The following PRR5 variants were observed in gnomAD, a reference collection of about 807,000 sequenced individuals.
PRR5 encodes proline rich 5.
In PRR5, 25 loss-of-function variants were observed where a neutral mutation model predicts 30.6. The ratio of observed to expected loss-of-function variants is 0.82; its 90% CI spans 0.60 to 1.14. The LOEUF is 1.14. PRR5 is among the 50% of genes most tolerant of loss of function. The probability of loss-of-function intolerance (pLI) is 0.00; values close to 1 mark genes in which losing one functional copy is unlikely to be tolerated. For missense variants in PRR5, 600 were observed against 547.1 expected (o/e 1.10, Z -0.96); for synonymous variants, 286 against 247.1 (o/e 1.16, Z -1.48).
chr22:44,719,781 C>T (rs1181645643), intron 2 of PRR5, among the ~76,000 whole-genome samples: 1 of 152,210 alleles, frequency 6.6e-6, no homozygotes, highest in Non-Finnish European at 1.5e-5. Context: ...TGCAAGGCCT[C>T]TCCTGCTGGC....
At chr22:44,732,618 C>T (rs1043038463) in intron 6 of PRR5, among the ~76,000 whole-genome samples, 1 of 152,162 alleles carries the variant, frequency 6.6e-6, no homozygotes, top group African/African-American at 2.4e-5. Context: ...CAGGGCTGGG[C>T]CTTTACACCC....
intron 1 of PRR5, among the ~76,000 whole-genome samples, chr22:44,684,154 A>T (rs1320347645): frequency 6.6e-6 from 1 of 152,148 alleles, no homozygotes; most frequent in Non-Finnish European, 1.5e-5. Context: ...TGGCCACCCC[A>T]GCCCCCACCC....
chr22:44,673,675 A>G (rs1923550663), upstream of PRR5, among the ~76,000 whole-genome samples: 1 of 152,156 alleles, frequency 6.6e-6, no homozygotes, highest in Non-Finnish European at 1.5e-5. Flanking sequence ...CTAAGCCCCT[A>G]TGACTGATAG....
chr22:44,670,051 C>G (rs1016166133), intron 1 of PRR5, among the ~76,000 whole-genome samples: 2 of 152,224 alleles, frequency 1.3e-5, no homozygotes, highest in African/African-American at 4.8e-5. Flanking sequence ...CACCAGGAAT[C>G]TGCATTTTGT....
At chr22:44,683,910 A>C (rs771942430) in intron 1 of PRR5, among the ~76,000 whole-genome samples, 3 of 152,238 alleles carry the variant, frequency 2.0e-5, no homozygotes, top group Non-Finnish European at 2.9e-5. Context: ...GGATGGCTGA[A>C]GAGGGGCCAG....
intron 2 of PRR5, among the ~76,000 whole-genome samples, chr22:44,723,064 C>A (rs1602060711): frequency 1.3e-5 from 2 of 151,700 alleles, no homozygotes; most frequent in African/African-American, 2.4e-5. Flanking sequence ...CAGCCCGCTG[C>A]AACCTCCGCC....
At chr22:44,718,192 C>CTT (rs34868054) in intron 2 of PRR5, among the ~76,000 whole-genome samples, 11,204 of 94,064 alleles carry the variant, frequency 0.12, 1,398 homozygotes, top group East Asian at 0.27. Context: ...TTTCATCTCT[C>CTT]TTTTTTTTTT....
upstream of PRR5, among the ~76,000 whole-genome samples, chr22:44,698,429 G>C (rs1034330272): frequency 1.3e-5 from 2 of 151,592 alleles, no homozygotes; most frequent in African/African-American, 4.9e-5. Context: ...CACTCTGGTG[G>C]CTTTGGGGAT....
chr22:44,702,042 G>A (rs913403405), upstream of PRR5, among the ~76,000 whole-genome samples: 1 of 152,020 alleles, frequency 6.6e-6, no homozygotes, highest in Non-Finnish European at 1.5e-5. Context: ...CAGACCCAGC[G>A]AGGCGTCGTG....
chr22:44,732,158 G>T lies in PRR5; in HGVS notation c.415-93G>T. 3.9e-6 allele frequency: 6 copies of T among 1,558,394 alleles called. No individual in the cohort carries two copies. In the Admixed American group the frequency reaches 1.0e-4, roughly 27 times the overall value. On this transcript the variant is annotated intron_variant, in intron 5 of 7. Transcript: ENST00000336985. ...GGTGGAGGGGCCTGAGGGTCGGCAGGTCTCTTCCCCCTGTGGGGTCCCAGG... is the reference window on the plus strand; with the variant it reads ...GGTGGAGGGGCCTGAGGGTCGGCAGTTCTCTTCCCCCTGTGGGGTCCCAGG...
chr22:44,687,611 C>A (rs1457517682), intron 1 of PRR5, among the ~76,000 whole-genome samples: 2 of 152,202 alleles, frequency 1.3e-5, no homozygotes, highest in Non-Finnish European at 2.9e-5. Context: ...GTTGCAGCTC[C>A]TCAAGCCCTC....
Position 44,702,573 on chromosome 22 carries a change from G to GCAGCGC in PRR5, c.101_106dup (p.Gln34_Arg35dup). On this transcript the variant is annotated inframe_insertion, in exon 1 of 8. Transcript: ENST00000336985. Reference sequence around the variant, plus strand: ...CCGCCGCGGACGAGCGGGGCACGCAGCAGCGCCGGGCCTGCGCCAACGCCA... The same window carrying GCAGCGC: ...CCGCCGCGGACGAGCGGGGCACGCAGCAGCGCCAGCGCCGGGCCTGCGCCAACGCCA... The GCAGCGC allele has an allele frequency of 7.1e-7, 1 of 1,410,280 alleles. No individual in the cohort carries two copies. Among genetic ancestry groups the GCAGCGC allele is most frequent in the Non-Finnish European group, 9.3e-7 (1 of 1,080,286 alleles). The allele number at this position is 1,410,280 out of a possible 1,614,324, so 87.4% of individuals were successfully genotyped here.
chr22:44,730,266 G>A lies in PRR5; in HGVS notation c.323-1464G>A, dbSNP rs1023224532. 4.1e-6 allele frequency: 4 copies of A among 985,036 alleles called. No homozygotes were observed. In the African/African-American group the frequency reaches 7.0e-5, roughly 17 times the overall value. 61.0% of individuals were successfully genotyped at this position (985,036 alleles called of 1,614,324 possible). The stretch of plus-strand genomic sequence containing the variant: ...GCAGTTCTGGCCGGGGGCGCAGCCT[G>A]AGAGACAGCCGGCAACGCTTCCCTC... On this transcript the variant is annotated intron_variant, in intron 4 of 7. Transcript: ENST00000336985.
intron 2 of PRR5, among the ~76,000 whole-genome samples, chr22:44,722,670 T>A (rs1476050): frequency 0.68 from 102,823 of 152,106 alleles, 35,088 homozygotes; most frequent in East Asian, 0.85. Flanking sequence ...GTCACTGTGT[T>A]TGGGGGGATG....
chr22:44,695,923 C>CTTTTTTTTT lies in PRR5; in HGVS notation c.-10-6552_-10-6544dup, dbSNP rs79228617. On this transcript the variant is annotated intron_variant, in intron 1 of 8. Coordinates refer to the PRR5 transcript ENST00000006251. ...AGTGATTCCATTTTGATTCTGACAA[C>CTTTTTTTTT]TTTTTTTTTTTTTTTTTTTTTTTTT... Among the ~76,000 whole-genome samples, 18 of 73,346 alleles carry CTTTTTTTTT rather than the reference C, an allele frequency of 2.5e-4. 2 individuals are homozygous for CTTTTTTTTT. The highest frequency in any genetic ancestry group is 3.3e-4 in the Non-Finnish European group (14 of 42,062). The allele number at this position is 73,346 out of a possible 152,430, so 48.1% of individuals were successfully genotyped here.
At position 44,737,330 on chromosome 22, in the gene PRR5, T is replaced by G; in HGVS notation, c.*83T>G. ...TGTGGCGTGTGTGTGAGTGAGACTTTTTTACTGCGTCCCGTCCCGCCAGCC... is the reference window on the plus strand; with the variant it reads ...TGTGGCGTGTGTGTGAGTGAGACTTGTTTACTGCGTCCCGTCCCGCCAGCC... On this transcript the variant is annotated 3_prime_UTR_variant, in exon 8 of 8. Transcript: ENST00000336985. 1 of 1,501,550 alleles carries G rather than the reference T, an allele frequency of 6.7e-7. No individual in the cohort carries two copies. Among genetic ancestry groups the G allele is most frequent in the Non-Finnish European group, 8.9e-7 (1 of 1,126,002 alleles). The allele number at this position is 1,501,550 out of a possible 1,614,324, so 93.0% of individuals were successfully genotyped here.
chr22:44,712,195 G>A (rs913296970), intron 1 of PRR5, among the ~76,000 whole-genome samples: 3 of 152,162 alleles, frequency 2.0e-5, no homozygotes, highest in African/African-American at 7.2e-5. Context: ...TAGAGAGCCC[G>A]TGTCCCCAGA....
At chr22:44,723,421 A>G (rs564031420) in intron 2 of PRR5, among the ~76,000 whole-genome samples, 15 of 152,288 alleles carry the variant, frequency 9.8e-5, no homozygotes, top group African/African-American at 1.9e-4. Flanking sequence ...TTAGTGCACT[A>G]TAATTTAAAA....
intron 5 of PRR5, 109 bp from the exon 6 acceptor site, chr22:44,732,142 G>A: frequency 1.3e-6 from 2 of 1,527,160 alleles, no homozygotes; most frequent in Non-Finnish European, 1.8e-6. Flanking sequence ...GGGTGGAGGG[G>A]CCTGAGGGTC....
Sources: allele counts gnomAD v4.1 joint callset (sites outside exome capture counted in the v4.1 genomes callset), GRCh38; gene constraint gnomAD v4.1.1; transcripts MANE v1.5; gene names NCBI Gene and HGNC (gene_info 2026-07-23, HGNC 2026-07-21).